The following CNTNAP2 variants were observed in gnomAD, a reference collection of about 807,000 sequenced individuals.
CNTNAP2 encodes contactin-associated protein-like 2.
A neutral mutation model predicts 155.2 loss-of-function variants in CNTNAP2; 98 were observed. The ratio of observed to expected loss-of-function variants is 0.63; its 90% confidence interval spans 0.54 to 0.75. The LOEUF (loss-of-function observed/expected upper bound fraction) is 0.75. Ranked by LOEUF, CNTNAP2 falls within the 30% of genes least tolerant of loss-of-function variation. The pLI is 0.00. For missense variants in CNTNAP2, 1,727 were observed against 1,688.1 expected (o/e 1.02, Z -0.40); for synonymous variants, 651 against 631.2 (o/e 1.03, Z -0.47).
At chr7:146,429,912 T>C (rs1213651606) in intron 1 of CNTNAP2, among the ~76,000 whole-genome samples, 2 of 152,176 alleles carry the variant, frequency 1.3e-5, no homozygotes, top group Non-Finnish European at 2.9e-5. Context: ...ATCTAGTTTA[T>C]TGAGAGTTTT....
At chr7:148,039,840 C>T (rs1802637229) in intron 15 of CNTNAP2, among the ~76,000 whole-genome samples, 1 of 152,156 alleles carries the variant, frequency 6.6e-6, no homozygotes, top group African/African-American at 2.4e-5. Context: ...GCTGAACAAT[C>T]ACCTTCATTT....
intron 21 of CNTNAP2, among the ~76,000 whole-genome samples, chr7:148,287,945 C>T (rs1797113215): frequency 6.6e-6 from 1 of 151,672 alleles, no homozygotes; most frequent in African/African-American, 2.4e-5. Flanking sequence ...GCACGTGCCA[C>T]CACGCCCAGC....
At chr7:148,154,508 G>A (rs1805363687) in intron 17 of CNTNAP2, among the ~76,000 whole-genome samples, 1 of 152,148 alleles carries the variant, frequency 6.6e-6, no homozygotes, top group South Asian at 2.1e-4. Context: ...CTGAAATGCA[G>A]TATCATTGAG....
intron 12 of CNTNAP2, among the ~76,000 whole-genome samples, chr7:147,629,887 T>TA (rs1003510445): frequency 6.7e-6 from 1 of 150,310 alleles, no homozygotes; most frequent in Non-Finnish European, 1.5e-5. Context: ...AGAGCACAAA[T>TA]AAAAAAATCT....
chr7:146,564,574 T>C (rs1490893891), intron 1 of CNTNAP2, among the ~76,000 whole-genome samples: 3 of 148,570 alleles, frequency 2.0e-5, no homozygotes, highest in African/African-American at 7.3e-5. Flanking sequence ...TAATGCAACA[T>C]GTAATATTAT....
intron 1 of CNTNAP2, among the ~76,000 whole-genome samples, chr7:146,475,645 A>T (rs1796866906): frequency 6.6e-6 from 1 of 152,198 alleles, no homozygotes; most frequent in Admixed American, 6.5e-5. Flanking sequence ...GACAGACTGA[A>T]AATCAGTGGG....
At chr7:146,409,644 A>T (rs1181062161) in intron 1 of CNTNAP2, among the ~76,000 whole-genome samples, 1 of 152,138 alleles carries the variant, frequency 6.6e-6, no homozygotes, top group African/African-American at 2.4e-5. Context: ...TAGCTTTTCT[A>T]ATTTTCTCAC....
chr7:147,913,416 A>T (rs547653759), intron 14 of CNTNAP2, among the ~76,000 whole-genome samples: 1 of 152,322 alleles, frequency 6.6e-6, no homozygotes, highest in South Asian at 2.1e-4. Flanking sequence ...CAGTGACAAC[A>T]CTGGAAATCA....
intron 1 of CNTNAP2, among the ~76,000 whole-genome samples, chr7:146,359,457 C>T (rs912101980): frequency 6.6e-6 from 1 of 152,192 alleles, no homozygotes; most frequent in African/African-American, 2.4e-5. Flanking sequence ...TTGGTAACCA[C>T]AGAACATTCT....
Position 148,376,894 on chromosome 7 carries a change from G to A in CNTNAP2, c.3476-6755G>A, listed in dbSNP as rs1798981835. On this transcript the variant is annotated intron_variant, in intron 21 of 23. Coordinates refer to ENST00000361727, the MANE Select transcript of CNTNAP2 (RefSeq NM_014141.6). ...GAGCTGACAGGGAACCTAGATGCCA[G>A]CATTTCCATGCCCTGCCTGATGTTT... Among the ~76,000 whole-genome samples, 4 of 67,922 alleles carry A rather than the reference G, an allele frequency of 5.9e-5. 2 individuals carry two copies. The South Asian group carries it at 1.6e-3, about 28-fold the overall frequency. 44.6% of individuals were successfully genotyped at this position (67,922 alleles called of 152,430 possible). A position where few individuals can be genotyped will look rare whatever the true frequency, so the allele number is the denominator to read the frequency against.
intron 21 of CNTNAP2, among the ~76,000 whole-genome samples, chr7:148,364,792 G>A (rs957556133): frequency 6.6e-6 from 1 of 152,222 alleles, no homozygotes; most frequent in Non-Finnish European, 1.5e-5. Context: ...GGCTGCCCGA[G>A]CCAGCATTGG....
In CNTNAP2 at chr7:147,511,841, C is replaced by T. The variant is rs893575769; in HGVS notation, c.1777+25800C>T. ...TGATTGTCCCTAAATAAGAGCTAAC[C>T]TATTTTCTCTGACTTTACATGAGCA... is the stretch of plus-strand genomic sequence containing the variant. On this transcript the variant is annotated intron_variant, in intron 11 of 23. Transcript: ENST00000361727. Among the ~76,000 whole-genome samples, 5 of 152,130 alleles carry T rather than the reference C, an allele frequency of 3.3e-5. No individual in the cohort carries two copies. The East Asian group carries it at 9.6e-4, about 29-fold the overall frequency.
chr7:146,244,921 T>C (rs900478572), intron 1 of CNTNAP2, among the ~76,000 whole-genome samples: 2 of 151,768 alleles, frequency 1.3e-5, no homozygotes, highest in African/African-American at 4.8e-5. Flanking sequence ...TGGGGGCAAA[T>C]CCTCGAGCTT....
intron 8 of CNTNAP2, among the ~76,000 whole-genome samples, chr7:147,199,790 AT>A (rs1802885909): frequency 6.6e-6 from 1 of 151,868 alleles, no homozygotes; most frequent in African/African-American, 2.4e-5. Flanking sequence ...AAGCCTGTAC[AT>A]TTTTGAGAAG....
At chr7:146,852,694 C>T (rs10232228) in intron 3 of CNTNAP2, among the ~76,000 whole-genome samples, 65,527 of 151,950 alleles carry the variant, frequency 0.43, 14,623 homozygotes, top group African/African-American at 0.54. Flanking sequence ...CGCCCAGAGC[C>T]AAAACAGCTT....
intron 13 of CNTNAP2, among the ~76,000 whole-genome samples, chr7:147,747,348 C>T (rs914743367): frequency 5.9e-5 from 9 of 152,122 alleles, no homozygotes; most frequent in Non-Finnish European, 1.0e-4. Context: ...TGTTTGAAAC[C>T]ACAAGTGTTT....
At chr7:147,753,587 C>G (rs547373124) in intron 13 of CNTNAP2, among the ~76,000 whole-genome samples, 1 of 151,722 alleles carries the variant, frequency 6.6e-6, no homozygotes, top group Admixed American at 6.6e-5. Flanking sequence ...ACACAGAAAT[C>G]GAAGAAATTT....
chr7:148,284,707 T>A (rs1797050781), intron 21 of CNTNAP2, among the ~76,000 whole-genome samples: 1 of 152,008 alleles, frequency 6.6e-6, no homozygotes, highest in Non-Finnish European at 1.5e-5. Context: ...GAACATAACA[T>A]GTTTCGAAGA....
At chr7:146,531,412 A>G (rs1158230618) in intron 1 of CNTNAP2, among the ~76,000 whole-genome samples, 2 of 152,162 alleles carry the variant, frequency 1.3e-5, no homozygotes, top group African/African-American at 4.8e-5. Context: ...AAGGAAACCT[A>G]TGGAAGTTCT....
Sources: allele counts gnomAD v4.1 joint callset (sites outside exome capture counted in the v4.1 genomes callset), GRCh38; gene constraint gnomAD v4.1.1; transcripts MANE v1.5; gene names NCBI Gene and HGNC (gene_info 2026-07-23, HGNC 2026-07-21).